JRK: variants seen among roughly 807,000 people sequenced by gnomAD.
JRK encodes the protein jerky protein homolog.
For synonymous variants in JRK, 303 were observed against 218.1 expected (o/e 1.39, Z -3.43); for missense variants, 720 against 509.2 (o/e 1.41, Z -3.98).
chr8:142,649,841 C>A, the JRK span, among the ~76,000 whole-genome samples: 2 of 152,252 alleles, frequency 1.3e-5, no homozygotes, highest in Non-Finnish European at 2.9e-5. Flanking sequence ...CCCACTGGGG[C>A]ACTGCCTAGT....
the JRK span, among the ~76,000 whole-genome samples, chr8:142,645,999 A>C: frequency 1.1e-5 from 1 of 94,076 alleles, no homozygotes; most frequent in Non-Finnish European, 2.8e-5. Flanking sequence ...AAAAGCACAC[A>C]CTTTTTTTTA....
chr8:142,669,655 G>T (rs1281036475), intron 1 of JRK, among the ~76,000 whole-genome samples: 1 of 151,970 alleles, frequency 6.6e-6, no homozygotes, highest in Non-Finnish European at 1.5e-5. Context: ...GGCGGCAAGG[G>T]GTGGGTGCGG....
Position 142,662,629 on chromosome 8 carries a change from A to G in JRK, c.*1723T>C. The G allele has an allele frequency of 1.0e-6, 1 of 985,408 alleles. No homozygotes were observed. Among genetic ancestry groups the G allele is most frequent in the Non-Finnish European group, 1.2e-6 (1 of 829,920 alleles). 61.0% of individuals were successfully genotyped at this position (985,408 alleles called of 1,614,324 possible). A position where few individuals can be genotyped will look rare whatever the true frequency, so the allele number is the denominator to read the frequency against. The stretch of plus-strand genomic sequence containing the variant: ...CACATGCATTCAAAGCAAGAAACAC[A>G]CACTTCCAGGACATAGATAGGGCTC... On this transcript the variant is annotated 3_prime_UTR_variant, in exon 2 of 2. Coordinates refer to ENST00000612905, the MANE Select transcript of JRK (RefSeq NM_003724.4).
At chr8:142,653,467 G>A (rs1554633367), downstream of JRK, among the ~76,000 whole-genome samples, 1 of 152,180 alleles carries the variant, frequency 6.6e-6, no homozygotes. Flanking sequence ...TTGACCTCCT[G>A]GGCTCAAGCA....
rs781972630 is a variant in JRK, at chr8:142,666,065, G to C, written c.-7C>G. ...CAGCCGGCTTGGAGGCCATGGGGAG[G>C]GGTGGCTGGTCCTAGCACTTGCAGG... On this transcript the variant is annotated 5_prime_UTR_variant, in exon 2 of 2. Coordinates refer to ENST00000612905, the MANE Select transcript of JRK (RefSeq NM_003724.4). The C allele has an allele frequency of 6.2e-7, 1 of 1,605,416 alleles. No individual in the cohort carries two copies. The highest frequency in any genetic ancestry group is 1.7e-5 in the Admixed American group (1 of 59,196).
At chr8:142,648,018 G>A in the JRK span, among the ~76,000 whole-genome samples, 3 of 152,214 alleles carry the variant, frequency 2.0e-5, no homozygotes, top group African/African-American at 7.2e-5. Flanking sequence ...CAAAGAGACT[G>A]GTGGCATTCT....
At position 142,665,860 on chromosome 8, in the gene JRK, C is replaced by T. The variant is rs199869839; in HGVS notation, c.199G>A (p.Ala67Thr). The T allele has an allele frequency of 2.8e-4, 217 of 780,854 alleles. No individual in the cohort carries two copies. Among genetic ancestry groups the T allele is most frequent in the Non-Finnish European group, 4.7e-4 (196 of 419,192 alleles). The allele number at this position is 780,854 out of a possible 1,614,324, so 48.4% of individuals were successfully genotyped here. ...AHKAQLLRFFASSDSNKALEQ... is the reference protein window; with the variant it reads ...AHKAQLLRFFTSSDSNKALEQ... The stretch of plus-strand genomic sequence containing the variant: ...AGCGCCTTGTTGGAGTCGGAGCTGG[C>T]GAAGAACCGGAGCAGCTGCGCCTTG... Residue 67 changes from alanine to threonine, a missense_variant, in exon 2 of 2, where the codon GCC becomes ACC. Transcript: ENST00000612905.
At chr8:142,669,163 A>T (rs980445777) in intron 1 of JRK, among the ~76,000 whole-genome samples, 6 of 136,124 alleles carry the variant, frequency 4.4e-5, no homozygotes, top group Admixed American at 1.5e-4. Context: ...GCAGGGGCAT[A>T]GTGTGTGTGT....
In JRK at chr8:142,662,634, T is replaced by C; in HGVS notation, c.*1718A>G. 1 of 985,304 alleles carries C rather than the reference T, an allele frequency of 1.0e-6. No individual in the cohort carries two copies. Among genetic ancestry groups the C allele is most frequent in the Non-Finnish European group, 1.2e-6 (1 of 829,906 alleles). The allele number at this position is 985,304 out of a possible 1,614,324, so 61.0% of individuals were successfully genotyped here. On this transcript the variant is annotated 3_prime_UTR_variant, in exon 2 of 2. Coordinates refer to ENST00000612905, the MANE Select transcript of JRK (RefSeq NM_003724.4). ...GCATTCAAAGCAAGAAACACACACTTCCAGGACATAGATAGGGCTCTGTCA... is the reference window on the plus strand; with the variant it reads ...GCATTCAAAGCAAGAAACACACACTCCCAGGACATAGATAGGGCTCTGTCA...
Position 142,659,575 on chromosome 8 carries a change from T to C in JRK, c.*4777A>G, listed in dbSNP as rs2129695607. 1 of 985,602 alleles carries C rather than the reference T, an allele frequency of 1.0e-6. No individual in the cohort carries two copies. The highest frequency in any genetic ancestry group is 1.2e-6 in the Non-Finnish European group (1 of 830,036). The allele number at this position is 985,602 out of a possible 1,614,324, so 61.1% of individuals were successfully genotyped here. ...AGGGCCTTGAGCAGGGAGGCCATCG[T>C]GCTGCCTAAGAGACCAGGACCCAGC... On this transcript the variant is annotated 3_prime_UTR_variant, in exon 2 of 2. Coordinates refer to ENST00000612905, the MANE Select transcript of JRK (RefSeq NM_003724.4).
At position 142,662,108 on chromosome 8, in the gene JRK, G is replaced by A. The variant is rs1554634652; in HGVS notation, c.*2244C>T. Reference sequence around the variant, plus strand: ...GAGTCAGGCTCCAGGCCTTGCTGCAGTTGGTCTGGAAGAGGGGCACCCTGA... The same window carrying A: ...GAGTCAGGCTCCAGGCCTTGCTGCAATTGGTCTGGAAGAGGGGCACCCTGA... On this transcript the variant is annotated 3_prime_UTR_variant, in exon 2 of 2. Coordinates refer to ENST00000612905, the MANE Select transcript of JRK (RefSeq NM_003724.4). 1 of 985,768 alleles carries A rather than the reference G, an allele frequency of 1.0e-6. No individual in the cohort carries two copies. Among genetic ancestry groups the A allele is most frequent in the Non-Finnish European group, 1.2e-6 (1 of 830,190 alleles). 61.1% of individuals were successfully genotyped at this position (985,768 alleles called of 1,614,324 possible).
In JRK at chr8:142,664,263, T is replaced by C. The variant is rs1364432603; in HGVS notation, c.*89A>G. On this transcript the variant is annotated 3_prime_UTR_variant, in exon 2 of 2. Transcript: ENST00000612905. ...TCTTGAGTGTCTGCACATGCCCTCCTGCCTCAGGTGGGGTCGGGGCACAGG... is the reference window on the plus strand; with the variant it reads ...TCTTGAGTGTCTGCACATGCCCTCCCGCCTCAGGTGGGGTCGGGGCACAGG... 6.9e-7 allele frequency: 1 copy of C among 1,450,632 alleles called. No individual in the cohort carries two copies. The highest frequency in any genetic ancestry group is 2.5e-5 in the East Asian group (1 of 40,398). 89.9% of individuals were successfully genotyped at this position (1,450,632 alleles called of 1,614,324 possible).
Position 142,662,017 on chromosome 8 carries a change from G to A in JRK, c.*2335C>T, listed in dbSNP as rs1421730849. On this transcript the variant is annotated 3_prime_UTR_variant, in exon 2 of 2. Coordinates refer to ENST00000612905, the MANE Select transcript of JRK (RefSeq NM_003724.4). ...CAGCGAGCCCAGGTGAGGAGGGGCT[G>A]CAGGAGGAGCAGGGCCCGAGTCCCC... 5 of 985,400 alleles carry A rather than the reference G, an allele frequency of 5.1e-6. No individual in the cohort carries two copies. The African/African-American group carries it at 8.7e-5, about 17-fold the overall frequency. 61.0% of individuals were successfully genotyped at this position (985,400 alleles called of 1,614,324 possible). A position where few individuals can be genotyped will look rare whatever the true frequency, so the allele number is the denominator to read the frequency against.
chr8:142,655,656 A>G (rs1846736168), downstream of JRK, among the ~76,000 whole-genome samples: 1 of 152,212 alleles, frequency 6.6e-6, no homozygotes, highest in Admixed American at 6.5e-5. Context: ...TCAACTGCTC[A>G]TCTGTACAAT....
In JRK at chr8:142,661,621, A is replaced by G. The variant is rs1335594528; in HGVS notation, c.*2731T>C. The G allele has an allele frequency of 3.0e-6, 3 of 985,340 alleles. No homozygotes were observed. Among genetic ancestry groups the G allele is most frequent in the African/African-American group, 3.5e-5 (2 of 57,242 alleles). 61.0% of individuals were successfully genotyped at this position (985,340 alleles called of 1,614,324 possible). On this transcript the variant is annotated 3_prime_UTR_variant, in exon 2 of 2. Transcript: ENST00000612905. ...TGGCTCCAGCCTGGTGCTCACAGAT[A>G]AAACGCGGAGGCATTTAAACAGGAC... is the stretch of plus-strand genomic sequence containing the variant.
chr8:142,666,579 G>A (rs953289865), intron 1 of JRK, 59 bp from the exon 2 acceptor site: 14 of 220,230 alleles, frequency 6.4e-5, no homozygotes, highest in South Asian at 7.8e-5. Context: ...CACACATGGC[G>A]TCCTCACGAC....
Position 142,661,819 on chromosome 8 carries a change from C to T in JRK, c.*2533G>A. 3.0e-6 allele frequency: 3 copies of T among 985,540 alleles called. No homozygotes were observed. The highest frequency in any genetic ancestry group is 3.6e-6 in the Non-Finnish European group (3 of 830,060). 61.0% of individuals were successfully genotyped at this position (985,540 alleles called of 1,614,324 possible). On this transcript the variant is annotated 3_prime_UTR_variant, in exon 2 of 2. Transcript: ENST00000612905. The stretch of plus-strand genomic sequence containing the variant: ...AAGATTCTGAGGCTAAAACATTCAA[C>T]CACTTGAGCTTCTGAGACGGGTCAG...
Position 142,660,586 on chromosome 8 carries a change from G to C in JRK, c.*3766C>G, listed in dbSNP as rs988944548. On this transcript the variant is annotated 3_prime_UTR_variant, in exon 2 of 2. Transcript: ENST00000612905. ...GGCTCATTTTCTTTTACTTTCTGTAGAGATGGGGTCTCCCTATGTTGCCCA... is the reference window on the plus strand; with the variant it reads ...GGCTCATTTTCTTTTACTTTCTGTACAGATGGGGTCTCCCTATGTTGCCCA... The C allele has an allele frequency of 6.9e-6, 5 of 721,468 alleles. No homozygotes were observed. The Admixed American group carries it at 2.5e-4, about 36-fold the overall frequency. 44.7% of individuals were successfully genotyped at this position (721,468 alleles called of 1,614,324 possible).
intron 1 of JRK, among the ~76,000 whole-genome samples, chr8:142,667,617 T>C (rs587695219): frequency 6.6e-6 from 1 of 152,330 alleles, no homozygotes; most frequent in East Asian, 1.9e-4. Flanking sequence ...CCAGGAAACC[T>C]GATAGCCCCC....
Sources: allele counts gnomAD v4.1 joint callset (sites outside exome capture counted in the v4.1 genomes callset), GRCh38; gene constraint gnomAD v4.1.1; transcripts MANE v1.5; gene names NCBI Gene and HGNC (gene_info 2026-07-23, HGNC 2026-07-21).